The following PCDHA8 variants were observed in gnomAD, a reference collection of about 807,000 sequenced individuals.
PCDHA8 encodes protocadherin alpha 8.
PCDHA8 carries 53 observed loss-of-function variants against 61.8 expected under a neutral mutation model. That is an observed-to-expected ratio of 0.86 (90% CI 0.69 to 1.08). PCDHA8 has a LOEUF of 1.08. Among genes scored for constraint, PCDHA8 ranks in the 50% least tolerant of loss-of-function variants. PCDHA8 has a pLI of 0.00. For synonymous variants in PCDHA8, 618 were observed against 556.6 expected, an observed-to-expected ratio of 1.11 and a Z score of -1.55; for missense variants, 1,293 against 1,245.0, an observed-to-expected ratio of 1.04 and a Z score of -0.58.
intron 1 of PCDHA8, among the ~76,000 whole-genome samples, chr5:140,964,646 G>A (rs1554227128): frequency 6.6e-6 from 1 of 152,004 alleles, no homozygotes; most frequent in African/African-American, 2.4e-5. Context: ...TCAGAAACAA[G>A]TAATGGGTGA....
chr5:140,883,150 C>T, intron 1 of PCDHA8: 1 of 1,613,910 alleles, frequency 6.2e-7, no homozygotes, highest in Non-Finnish European at 8.5e-7. Flanking sequence ...ATGCATTTAC[C>T]ATAAATCCGA....
chr5:140,977,314 C>CTCCTGATG (rs1482871612), intron 1 of PCDHA8, among the ~76,000 whole-genome samples: 1 of 152,152 alleles, frequency 6.6e-6, no homozygotes, highest in African/African-American at 2.4e-5. Context: ...AACGATAGTG[C>CTCCTGATG]TCCTGATGGC....
intron 1 of PCDHA8, chr5:140,857,630 G>A (rs1554150395): frequency 6.3e-7 from 1 of 1,596,610 alleles, no homozygotes; most frequent in African/African-American, 1.3e-5. Flanking sequence ...CGAGGAGCTG[G>A]AGCTGCTACA....
intron 1 of PCDHA8, among the ~76,000 whole-genome samples, chr5:140,915,915 T>C (rs782614078): frequency 1.3e-5 from 2 of 152,158 alleles, no homozygotes; most frequent in Non-Finnish European, 2.9e-5. Context: ...GGCCCAGAGA[T>C]GCTACTTGGG....
At chr5:140,875,375 A>C in intron 1 of PCDHA8, 2 of 1,456,838 alleles carry the variant, frequency 1.4e-6, no homozygotes, top group East Asian at 5.0e-5. Flanking sequence ...AATTTACTAA[A>C]TATGTACTTA....
At position 140,857,606 on chromosome 5, in the gene PCDHA8, C is replaced by T. The variant is rs565842920; in HGVS notation, c.2394+13891C>T. The T allele has an allele frequency of 1.2e-4, 191 of 1,596,384 alleles. 13 individuals are homozygous for T. The South Asian group carries it at 2.1e-3, about 17-fold the overall frequency. ...GGAGAGCGGCAAGGTGTACGCGCTG[C>T]AGCCGCTGGACCACGAGGAGCTGGA... On this transcript the variant is annotated intron_variant, in intron 1 of 3. Coordinates refer to ENST00000531613, the MANE Select transcript of PCDHA8 (RefSeq NM_018911.3).
intron 3 of PCDHA8, among the ~76,000 whole-genome samples, chr5:141,000,900 G>A (rs1020896392): frequency 6.6e-6 from 1 of 151,614 alleles, no homozygotes; most frequent in African/African-American, 2.4e-5. Flanking sequence ...AGATATAGAC[G>A]CTGTCTCTAA....
chr5:140,976,812 G>A (rs2096732233), intron 1 of PCDHA8, among the ~76,000 whole-genome samples: 1 of 152,178 alleles, frequency 6.6e-6, no homozygotes, highest in Non-Finnish European at 1.5e-5. Flanking sequence ...CTGAAGATAT[G>A]CATGTGTCTA....
intron 1 of PCDHA8, among the ~76,000 whole-genome samples, chr5:140,885,376 G>T (rs1242393742): frequency 6.6e-6 from 1 of 152,032 alleles, no homozygotes; most frequent in Non-Finnish European, 1.5e-5. Context: ...AGTACCTTTT[G>T]GCAGTCCCTG....
In PCDHA8 at chr5:140,842,198, T is replaced by A; in HGVS notation, c.877T>A (p.Phe293Ile). ...TGTTGAAACTATGGTTATTGACCACTTTAGCATAGATCGAAATACGGGAGA... is the reference window on the plus strand; with the variant it reads ...TGTTGAAACTATGGTTATTGACCACATTAGCATAGATCGAAATACGGGAGA... ...SLVETMVIDH[F>I]SIDRNTGEIV... Residue 293 changes from phenylalanine (F) to isoleucine (I), a missense_variant, in exon 1 of 4, where the codon TTT (phenylalanine) becomes ATT (isoleucine). Transcript: ENST00000531613. 1 of 1,613,764 alleles carries A rather than the reference T, an allele frequency of 6.2e-7. No individual in the cohort carries two copies.
chr5:140,869,964 T>A (rs546576795), intron 1 of PCDHA8: 1 of 1,613,046 alleles, frequency 6.2e-7, no homozygotes, highest in African/African-American at 1.3e-5. Context: ...TTAAGCCCAA[T>A]GGAAGACACT....
rs999939821 is a variant in PCDHA8, at chr5:140,972,909, G to A, written c.2395-6040G>A. ...GATCTCTTGACCTTGTGATCCACCC[G>A]CCTTGGCCTCCCAAAGTGCTGGGAT... is the stretch of plus-strand genomic sequence containing the variant. On this transcript the variant is annotated intron_variant, in intron 1 of 3. Transcript: ENST00000531613. 5.3e-4 allele frequency among the ~76,000 whole-genome samples: 80 copies of A among 152,056 alleles called. 1 individual carries two copies. Among genetic ancestry groups the A allele is most frequent in the African/African-American group, 1.8e-3 (75 of 41,484 alleles).
chr5:140,870,397 C>T (rs1554164199), intron 1 of PCDHA8: 2 of 1,614,230 alleles, frequency 1.2e-6, no homozygotes, highest in South Asian at 1.1e-5. Flanking sequence ...TGGGGGTTCG[C>T]CTTCTCTGTG....
chr5:140,966,906 C>A, intron 1 of PCDHA8: 1 of 1,600,938 alleles, frequency 6.2e-7, no homozygotes, highest in African/African-American at 1.3e-5. Flanking sequence ...CTGCGATACT[C>A]TGTGCCAGAG....
At chr5:140,929,013 G>A in intron 1 of PCDHA8, 1 of 1,614,120 alleles carries the variant, frequency 6.2e-7, no homozygotes, top group South Asian at 1.1e-5. Context: ...GTACCAAGTT[G>A]CACCAGAGCC....
intron 1 of PCDHA8, among the ~76,000 whole-genome samples, chr5:140,948,544 G>A (rs2094271073): frequency 1.3e-5 from 2 of 151,392 alleles, no homozygotes; most frequent in Admixed American, 1.3e-4. Flanking sequence ...TTCATGCTCT[G>A]TCAATTTTGT....
intron 1 of PCDHA8, among the ~76,000 whole-genome samples, chr5:140,886,682 G>A (rs181377286): frequency 6.6e-6 from 1 of 151,618 alleles, no homozygotes. Context: ...AAAAATTAGC[G>A]AGGCATGGTG....
chr5:140,863,075 CG>C (rs2047768391), intron 1 of PCDHA8: 1 of 569,530 alleles, frequency 1.8e-6, no homozygotes, highest in South Asian at 1.4e-5. Context: ...GGGCTCTGCA[CG>C]GGCGAGATCA....
rs2044359336 is a variant in PCDHA8 at position 140,857,099 on chromosome 5, G to A, written c.2394+13384G>A. On this transcript the variant is annotated intron_variant, in intron 1 of 3. Transcript: ENST00000531613. ...AAATGATAATTCACCTGAGGTGATT[G>A]TCACTTCTCTGTCTCTCCCAGTGAA... 2 of 1,597,238 alleles carry A rather than the reference G, an allele frequency of 1.3e-6. No homozygotes were observed. The highest frequency in any genetic ancestry group is 3.4e-5 in the Admixed American group (2 of 59,246).
Sources: gnomAD v4.1 joint callset for allele counts (sites outside exome capture counted in the v4.1 genomes callset) on GRCh38, gnomAD v4.1.1 for gene constraint, MANE v1.5 for transcripts, NCBI Gene and HGNC (gene_info 2026-07-23, HGNC 2026-07-21) for gene names.